The following SEC24A variants were observed in gnomAD, a reference collection of about 807,000 sequenced individuals.
The protein encoded by SEC24A is protein transport protein Sec24A.
Under a neutral mutation model 129.4 loss-of-function variants are expected in SEC24A, and 93 were observed. The observed-to-expected ratio is 0.72, with a 90% CI of 0.61 to 0.85. SEC24A has a LOEUF of 0.85. Ranked by LOEUF, SEC24A falls within the 40% of genes least tolerant of loss-of-function variation. The probability of loss-of-function intolerance (pLI) is 0.00; values close to 1 mark genes in which losing one functional copy is unlikely to be tolerated. For synonymous variants in SEC24A, 460 were observed against 467.3 expected (o/e 0.98, Z 0.20); for missense variants, 1,264 against 1,307.4 (o/e 0.97, Z 0.51).
intron 3 of SEC24A, among the ~76,000 whole-genome samples, chr5:134,670,384 A>G (rs977473327): frequency 2.0e-5 from 3 of 152,192 alleles, no homozygotes; most frequent in Admixed American, 2.0e-4. Flanking sequence ...AAATGTATCT[A>G]CTTCGTGTTA....
rs1344732413 is a variant in SEC24A, at chr5:134,708,839, CT to C, written c.2683del (p.Ser895LeufsTer26). ...LSNQQPGLMV[P>X]FSLRLFPLFV... ...AACCAGCAGCCTGGACTCATGGTTC[CT>C]TTTTCTTTGCGGCTTTTCCCACTTT... On this transcript the variant is annotated frameshift_variant, in exon 18 of 23. Transcript: ENST00000398844. LOFTEE classifies it high-confidence loss of function. 1 of 1,614,000 alleles carries C rather than the reference CT, an allele frequency of 6.2e-7. No homozygotes were observed. Among genetic ancestry groups the C allele is most frequent in the East Asian group, 2.2e-5 (1 of 44,888 alleles).
chr5:134,662,149 T>G (rs1219892500), intron 2 of SEC24A, among the ~76,000 whole-genome samples: 1 of 151,644 alleles, frequency 6.6e-6, no homozygotes, highest in Non-Finnish European at 1.5e-5. Context: ...TTATTTTATT[T>G]ATTTATTATT....
In SEC24A at chr5:134,682,377, TG is replaced by T; in HGVS notation, c.1387del (p.Glu463LysfsTer8). 1 of 1,557,928 alleles carries T rather than the reference TG, an allele frequency of 6.4e-7. No individual in the cohort carries two copies. Among genetic ancestry groups the T allele is most frequent in the Non-Finnish European group, 8.8e-7 (1 of 1,133,574 alleles). The stretch of plus-strand genomic sequence containing the variant: ...TGTATTGTTAACTTTATATAGTTCC[TG>T]AAGAATTCTTGTACAACCCTTTGAC... ...NLCYRVNDVP[E>X]EFLYNPLTRV... On this transcript the variant is annotated frameshift_variant, in exon 9 of 23. Coordinates refer to ENST00000398844, the MANE Select transcript of SEC24A (RefSeq NM_021982.3). LOFTEE classifies it high-confidence loss of function.
At position 134,678,409 on chromosome 5, in the gene SEC24A, T is replaced by C. The variant is rs1198111411; in HGVS notation, c.1255-1193T>C. On this transcript the variant is annotated intron_variant, in intron 7 of 22. Transcript: ENST00000398844. ...TGCCATTTATGCCAAAAGTACATTG[T>C]AAATTTACCATCTTGGTTTTATTTT... Among the ~76,000 whole-genome samples, 5 of 152,180 alleles carry C rather than the reference T, an allele frequency of 3.3e-5. No homozygotes were observed. The East Asian group carries it at 7.7e-4, about 23-fold the overall frequency.
intron 12 of SEC24A, chr5:134,693,483 T>C (rs547628024): frequency 4.6e-5 from 65 of 1,400,774 alleles, no homozygotes; most frequent in African/African-American, 3.9e-4. Flanking sequence ...TTTGGACTTA[T>C]AGTCTTGCTG....
rs767641132 is a variant in SEC24A at position 134,686,849 on chromosome 5, C to T, written c.1551C>T (p.Val517=). 9.9e-6 allele frequency: 16 copies of T among 1,611,022 alleles called. No homozygotes were observed. Among genetic ancestry groups the T allele is most frequent in the East Asian group, 8.9e-5 (4 of 44,696 alleles). The part of the protein sequence containing the change: ...LFVFDVSHNA[V]ETGYLNSVCQ... ...TATTTGATGTGTCTCACAATGCAGT[C>T]GAAACTGGATACTTGAATTCAGTTT... Residue 517 remains valine (V), a synonymous_variant, in exon 10 of 23, where the codon GTC becomes GTT. Transcript: ENST00000398844.
At chr5:134,705,090 A>AT (rs58181904) in intron 16 of SEC24A, among the ~76,000 whole-genome samples, 3,089 of 123,236 alleles carry the variant, frequency 0.025, 97 homozygotes, top group African/African-American at 0.067. Flanking sequence ...ATATATATAT[A>AT]TTTTTTTTTT....
intron 15 of SEC24A, 28 bp from the exon 16 acceptor site, chr5:134,703,731 A>C (rs760772237): frequency 4.6e-6 from 7 of 1,512,262 alleles, no homozygotes; most frequent in Non-Finnish European, 5.5e-6. Context: ...GTATATAAAA[A>C]TAATTTTGTT....
At chr5:134,679,889 A>G (rs1751206370) in intron 8 of SEC24A, among the ~76,000 whole-genome samples, 161 bp downstream of exon 8, 1 of 151,554 alleles carries the variant, frequency 6.6e-6, no homozygotes, top group African/African-American at 2.4e-5. Context: ...GTGCGTTTAT[A>G]TTTATAAATA....
Position 134,648,987 on chromosome 5 carries a change from GCCT to G in SEC24A, c.-84_-82del. 1.1e-6 allele frequency: 1 copy of G among 922,384 alleles called. No homozygotes were observed. The highest frequency in any genetic ancestry group is 1.7e-6 in the Non-Finnish European group (1 of 592,170). 57.1% of individuals were successfully genotyped at this position (922,384 alleles called of 1,614,324 possible). A position where few individuals can be genotyped will look rare whatever the true frequency, so the allele number is the denominator to read the frequency against. On this transcript the variant is annotated 5_prime_UTR_variant, in exon 1 of 23. Coordinates refer to ENST00000398844, the MANE Select transcript of SEC24A (RefSeq NM_021982.3). The stretch of plus-strand genomic sequence containing the variant: ...CCCAGTCTTCAGTCTTAAGTCGTTA[GCCT>G]CCTCCCTCCGCTTTCAGCAGTGGTC...
At chr5:134,695,777 TCAAAA>T (rs1751803090) in intron 13 of SEC24A, among the ~76,000 whole-genome samples, 2 of 151,248 alleles carry the variant, frequency 1.3e-5, no homozygotes, top group Non-Finnish European at 2.9e-5. Context: ...AGACTCCGTC[TCAAAA>T]CAACAACAAC....
At chr5:134,669,679 G>A (rs1168620623) in intron 3 of SEC24A, among the ~76,000 whole-genome samples, 1 of 150,736 alleles carries the variant, frequency 6.6e-6, no homozygotes, top group Non-Finnish European at 1.5e-5. Flanking sequence ...AGGTTTCACT[G>A]TGTTAGCCAG....
chr5:134,687,386 G>C (rs535430258), intron 10 of SEC24A, among the ~76,000 whole-genome samples: 28 of 152,184 alleles, frequency 1.8e-4, no homozygotes, highest in Admixed American at 1.7e-3. Context: ...CAGTTTATTG[G>C]AGTAAGAATT....
chr5:134,682,563 A>C, intron 9 of SEC24A, 81 bp downstream of exon 9: 1 of 687,430 alleles, frequency 1.5e-6, no homozygotes, highest in East Asian at 2.8e-5. Context: ...CCTGTAACAA[A>C]ATTTTATTTT....
intron 18 of SEC24A, among the ~76,000 whole-genome samples, chr5:134,711,359 G>C (rs867816368): frequency 1.3e-4 from 20 of 151,856 alleles, no homozygotes; most frequent in Non-Finnish European, 2.5e-4. Context: ...AGCACCTGAA[G>C]CAGCACTGCA....
At chr5:134,659,217 A>G (rs532263249) in intron 1 of SEC24A, among the ~76,000 whole-genome samples, 2,644 of 151,638 alleles carry the variant, frequency 0.017, 53 homozygotes, top group Non-Finnish European at 0.029. Context: ...GACTACAGGC[A>G]CCCGCCACCA....
At chr5:134,650,116 G>T (rs1749996295) in intron 1 of SEC24A, among the ~76,000 whole-genome samples, 1 of 152,250 alleles carries the variant, frequency 6.6e-6, no homozygotes, top group Middle Eastern at 3.4e-3. Flanking sequence ...AGAGAAGACC[G>T]CTGTTTTCTT....
intron 1 of SEC24A, among the ~76,000 whole-genome samples, chr5:134,657,342 C>T (rs1367736742): frequency 6.6e-6 from 1 of 151,892 alleles, no homozygotes; most frequent in Non-Finnish European, 1.5e-5. Context: ...AGCCACCGTG[C>T]CTGGCCTACA....
intron 2 of SEC24A, among the ~76,000 whole-genome samples, chr5:134,664,942 G>T (rs1371332437): frequency 6.6e-6 from 1 of 151,296 alleles, no homozygotes; most frequent in Non-Finnish European, 1.5e-5. Flanking sequence ...GGGATTACAG[G>T]CATGCGCCAC....
Sources: gnomAD v4.1 joint callset for allele counts (sites outside exome capture counted in the v4.1 genomes callset) on GRCh38, gnomAD v4.1.1 for gene constraint, MANE v1.5 for transcripts, NCBI Gene and HGNC (gene_info 2026-07-23, HGNC 2026-07-21) for gene names.